The following JAK2 variants were observed in gnomAD, a reference collection of about 807,000 sequenced individuals.
JAK2 encodes the protein Janus kinase 2.
Under a neutral mutation model 139.3 loss-of-function variants are expected in JAK2, and 86 were observed. That is an observed-to-expected ratio of 0.62 (90% CI 0.52 to 0.74). The LOEUF is 0.74. Among genes scored for constraint, JAK2 ranks in the 30% least tolerant of loss-of-function variants. JAK2 has a pLI of 0.00. For missense variants in JAK2, 1,421 were observed against 1,360.3 expected (o/e 1.04, Z -0.70); for synonymous variants, 490 against 437.7 (o/e 1.12, Z -1.49).
At chr9:5,055,017 T>C (rs1817666427) in intron 7 of JAK2, 133 bp downstream of exon 7, 2 of 582,078 alleles carry the variant, frequency 3.4e-6, no homozygotes, top group East Asian at 5.7e-5. Flanking sequence ...TTTAATAGCG[T>C]GAACCTATCA....
At chr9:5,050,133 T>C (rs1197624624) in intron 5 of JAK2, among the ~76,000 whole-genome samples, 1 of 152,228 alleles carries the variant, frequency 6.6e-6, no homozygotes, top group Non-Finnish European at 1.5e-5. Context: ...AATTTTTATG[T>C]AGAAGATATA....
intron 2 of JAK2, among the ~76,000 whole-genome samples, chr9:4,994,663 A>G (rs1820458818): frequency 6.6e-6 from 1 of 152,192 alleles, no homozygotes; most frequent in East Asian, 1.9e-4. Flanking sequence ...GACGTGGCTC[A>G]TGGCTGTGTT....
At chr9:5,085,434 C>A (rs1444444743) in intron 19 of JAK2, 2 of 745,406 alleles carry the variant, frequency 2.7e-6, no homozygotes, top group Middle Eastern at 4.8e-4. Flanking sequence ...CTATCAGGCT[C>A]GCAGTATTCT....
Position 5,129,431 on chromosome 9 carries a change from C to T in JAK2, c.*2640C>T, listed in dbSNP as rs1238579170. Among the ~76,000 whole-genome samples the T allele has an allele frequency of 2.0e-5, 3 of 152,066 alleles. No homozygotes were observed. The highest frequency in any genetic ancestry group is 4.4e-5 in the Non-Finnish European group (3 of 67,940). On this transcript the variant is annotated 3_prime_UTR_variant, in exon 25 of 25. Transcript: ENST00000381652. ...CAACCACTGTATTGTCTTTAATGAACACTGTTGTATCCCATCCTAATTCTT... is the reference window on the plus strand; with the variant it reads ...CAACCACTGTATTGTCTTTAATGAATACTGTTGTATCCCATCCTAATTCTT...
At position 5,041,934 on chromosome 9, in the gene JAK2, T is replaced by C. The variant is rs559150530; in HGVS notation, c.351-2469T>C. 21 of 388,202 alleles carry C rather than the reference T, an allele frequency of 5.4e-5. No individual in the cohort carries two copies. The East Asian group carries it at 1.1e-3, about 20-fold the overall frequency. 24.0% of individuals were successfully genotyped at this position (388,202 alleles called of 1,614,324 possible). A position where few individuals can be genotyped will look rare whatever the true frequency, so the allele number is the denominator to read the frequency against. On this transcript the variant is annotated intron_variant, in intron 4 of 24. Coordinates refer to ENST00000381652, the MANE Select transcript of JAK2 (RefSeq NM_004972.4). ...TGGGCGATGAAACGAAATGCTGCTG[T>C]TTCTTCCCCCTGAATCTTCTCCGTG... is the stretch of plus-strand genomic sequence containing the variant.
intron 15 of JAK2, 103 bp downstream of exon 15, chr9:5,077,683 C>G (rs1332985473): frequency 1.6e-6 from 1 of 643,826 alleles, no homozygotes; most frequent in Non-Finnish European, 2.4e-6. Flanking sequence ...TAATTGGATG[C>G]CAATTCATGT....
At chr9:5,032,839 C>T (rs1365399760) in intron 4 of JAK2, among the ~76,000 whole-genome samples, 2 of 152,168 alleles carry the variant, frequency 1.3e-5, no homozygotes, top group Non-Finnish European at 2.9e-5. Flanking sequence ...ATGAGAGCAC[C>T]TCTCCTCCTC....
intron 22 of JAK2, chr9:5,110,806 G>A: frequency 9.4e-6 from 4 of 423,642 alleles, no homozygotes; most frequent in Admixed American, 3.2e-5. Context: ...CGACGCCTGG[G>A]GGCCCTGCTG....
intron 1 of JAK2, 125 bp downstream of exon 1, chr9:4,985,755 C>T (rs982013720): frequency 1.8e-4 from 27 of 152,476 alleles, no homozygotes; most frequent in African/African-American, 6.5e-4. Flanking sequence ...AAAAATCTTC[C>T]TCTTTAAGAC....
intron 22 of JAK2, among the ~76,000 whole-genome samples, chr9:5,106,637 C>A (rs1232792416): frequency 6.6e-6 from 1 of 152,196 alleles, no homozygotes; most frequent in African/African-American, 2.4e-5. Context: ...ATAGCAAAGA[C>A]TTGGAACCAA....
intron 19 of JAK2, 146 bp downstream of exon 19, chr9:5,082,007 G>T: frequency 1.5e-6 from 1 of 682,214 alleles, no homozygotes; most frequent in Non-Finnish European, 2.4e-6. Flanking sequence ...GAGAAATGCT[G>T]TGTTAAATAA....
chr9:5,066,134 A>G (rs1232050829), intron 9 of JAK2, among the ~76,000 whole-genome samples: 2 of 152,122 alleles, frequency 1.3e-5, no homozygotes, highest in Non-Finnish European at 2.9e-5. Flanking sequence ...TTTCTTTTGT[A>G]TAGATTATAT....
Position 5,050,707 on chromosome 9 carries a change from G to A in JAK2, c.490G>A (p.Gly164Arg), listed in dbSNP as rs1168347611. Reference sequence around the variant, plus strand: ...TTAGTGGCGGCATGATTTTGTGCACGGATGGATAAAAGTACCTGTGACTCA... The same window carrying A: ...TTAGTGGCGGCATGATTTTGTGCACAGATGGATAAAAGTACCTGTGACTCA... ...FAQWRHDFVH[G>R]WIKVPVTHET... The change falls in exon 6 of 25, where the codon GGA becomes AGA. Residue 164 changes from glycine (G) to arginine (R), a missense_variant. Physicochemically the swap from Gly to Arg is moderately radical, Grantham distance 125. Transcript: ENST00000381652. 2.5e-6 allele frequency: 4 copies of A among 1,613,354 alleles called. No homozygotes were observed. Among genetic ancestry groups the A allele is most frequent in the East Asian group, 2.2e-5 (1 of 44,870 alleles).
At chr9:5,104,141 G>C (rs7040351) in intron 22 of JAK2, among the ~76,000 whole-genome samples, 17,398 of 151,902 alleles carry the variant, frequency 0.11, 3,087 homozygotes, top group African/African-American at 0.39. Context: ...TTTTCAAAAA[G>C]ATCAACAAAA....
rs748775810 is a variant in JAK2 at position 5,072,452 on chromosome 9, A to G, written c.1642-40A>G. ...TTTTCTTGTTCCTACTTCGTTCTCC[A>G]TCTTTACTCATTCTTTTCTTTTACC... On this transcript the variant is annotated intron_variant, in intron 12 of 24. Transcript: ENST00000381652. 6.8e-6 allele frequency: 10 copies of G among 1,460,954 alleles called. No homozygotes were observed. In the South Asian group the frequency reaches 1.5e-4, roughly 22 times the overall value. 90.5% of individuals were successfully genotyped at this position (1,460,954 alleles called of 1,614,324 possible).
At chr9:5,058,226 C>A (rs575851290) in intron 8 of JAK2, among the ~76,000 whole-genome samples, 13 of 152,282 alleles carry the variant, frequency 8.5e-5, no homozygotes, top group African/African-American at 3.1e-4. Flanking sequence ...CGTTCTCACA[C>A]TGCTATAAAG....
chr9:5,090,295 T>G, intron 20 of JAK2, 151 bp from the exon 21 acceptor site: 2 of 479,212 alleles, frequency 4.2e-6, no homozygotes. Context: ...AAAGACTATG[T>G]TCTTAACAAC....
At chr9:5,069,434 A>G (rs1244251199) in intron 11 of JAK2, among the ~76,000 whole-genome samples, 1 of 152,184 alleles carries the variant, frequency 6.6e-6, no homozygotes, top group African/African-American at 2.4e-5. Flanking sequence ...GATTTTAAAC[A>G]TAATGTGTGG....
intron 23 of JAK2, 103 bp from the exon 24 acceptor site, chr9:5,126,230 A>G: frequency 1.4e-6 from 1 of 698,206 alleles, no homozygotes; most frequent in Admixed American, 2.8e-5. Flanking sequence ...AACATACAAA[A>G]GCACACATAT....
Sources: gnomAD v4.1 joint callset for allele counts (sites outside exome capture counted in the v4.1 genomes callset) on GRCh38, gnomAD v4.1.1 for gene constraint, MANE v1.5 for transcripts, NCBI Gene and HGNC (gene_info 2026-07-23, HGNC 2026-07-21) for gene names.